Variants in DEPDC4 observed in about 807,000 individuals in gnomAD.
DEPDC4 encodes the protein DEP domain containing 4.
DEPDC4 carries 52 observed loss-of-function variants against 52.0 expected under a neutral mutation model. The observed-to-expected ratio is 1.00, with a 90% confidence interval of 0.80 to 1.26. DEPDC4 has a LOEUF of 1.26. Among genes scored for constraint, DEPDC4 ranks in the 50% most tolerant of loss-of-function variants. The probability of loss-of-function intolerance (pLI) is 0.00; values close to 1 mark genes in which losing one functional copy is unlikely to be tolerated. For synonymous variants in DEPDC4, 201 were observed against 196.8 expected (o/e 1.02, Z -0.18); for missense variants, 530 against 546.9 (o/e 0.97, Z 0.31).
chr12:100,250,418 C>T (rs1256992552), intron 7 of DEPDC4, among the ~76,000 whole-genome samples: 3 of 152,114 alleles, frequency 2.0e-5, no homozygotes, highest in African/African-American at 7.2e-5. Context: ...CTGGGTTTCA[C>T]CATGTTGGCC....
Position 100,259,002 on chromosome 12 carries a change from T to C in DEPDC4, c.701-2776A>G, listed in dbSNP as rs573834523. Among the ~76,000 whole-genome samples, 3 of 150,784 alleles carry C rather than the reference T, an allele frequency of 2.0e-5. No individual in the cohort carries two copies. The South Asian group carries it at 6.3e-4, about 32-fold the overall frequency. ...ACAAGAATCACTTGAATCCAGGAGG[T>C]AGAGATTGCAGTGAGCCGAGATCGC... On this transcript the variant is annotated intron_variant, in intron 3 of 9. Transcript: ENST00000550587.
chr12:100,275,147 A>G, the DEPDC4 span, among the ~76,000 whole-genome samples: 1 of 152,162 alleles, frequency 6.6e-6, no homozygotes, highest in South Asian at 2.1e-4. Context: ...TACCCTTGAA[A>G]CAGTATTTTT....
chr12:100,231,986 C>T (rs904401004), intron 9 of DEPDC4, among the ~76,000 whole-genome samples: 1 of 151,960 alleles, frequency 6.6e-6, no homozygotes, highest in Non-Finnish European at 1.5e-5. Context: ...CTCATATATT[C>T]ATTTTTAACT....
At chr12:100,267,081 C>G, upstream of DEPDC4, 1 of 1,612,310 alleles carries the variant, frequency 6.2e-7, no homozygotes, top group Non-Finnish European at 8.5e-7. Flanking sequence ...CACCATAGCC[C>G]CGCCCCACCT....
At chr12:100,247,330 C>CA (rs1311032639) in intron 8 of DEPDC4, among the ~76,000 whole-genome samples, 1 of 151,406 alleles carries the variant, frequency 6.6e-6, no homozygotes, top group Non-Finnish European at 1.5e-5. Context: ...CTCAGCCTCC[C>CA]AAGTAGCTTG....
At chr12:100,281,019 G>GTTTTGTTTTTTTTT in the DEPDC4 span, among the ~76,000 whole-genome samples, 127 of 50,496 alleles carry the variant, frequency 2.5e-3, 7 homozygotes, top group African/African-American at 8.4e-3. Context: ...TACCATCAGT[G>GTTTTGTTTTTTTTT]TTTTTTTTTT....
At chr12:100,238,120 TA>T (rs1350607400), downstream of DEPDC4, 77,774 of 742,424 alleles carry the variant, frequency 0.1, 9 homozygotes, top group Non-Finnish European at 0.12. Context: ...CTCCCCAACT[TA>T]AAAAAAAAAA....
intron 9 of DEPDC4, among the ~76,000 whole-genome samples, chr12:100,233,930 T>G (rs2096137814): frequency 6.6e-6 from 1 of 151,924 alleles, no homozygotes; most frequent in East Asian, 1.9e-4. Context: ...TTGGGCTACA[T>G]GGCGAAACCC....
At chr12:100,267,248 C>A (rs1566334512), upstream of DEPDC4, 3 of 664,366 alleles carry the variant, frequency 4.5e-6, no homozygotes, top group Non-Finnish European at 7.4e-6. Flanking sequence ...CTAGCTCCGA[C>A]GTTTGCGGCC....
chr12:100,240,914 A>G lies in DEPDC4; in HGVS notation c.*978T>C, dbSNP rs2096156218. Among the ~76,000 whole-genome samples, 1 of 152,132 alleles carries G rather than the reference A, an allele frequency of 6.6e-6. No individual in the cohort carries two copies. Among genetic ancestry groups the G allele is most frequent in the African/African-American group, 2.4e-5 (1 of 41,436 alleles). ...CTAAAACTACAAAAATTAGCCGGGC[A>G]TAGTGGCAGGTACCTATAATCCCAG... is the stretch of plus-strand genomic sequence containing the variant. On this transcript the variant is annotated 3_prime_UTR_variant, in exon 10 of 10. Transcript: ENST00000550587.
At chr12:100,276,711 T>C in the DEPDC4 span, among the ~76,000 whole-genome samples, 1 of 152,228 alleles carries the variant, frequency 6.6e-6, no homozygotes, top group Admixed American at 6.5e-5. Context: ...TTTTACTTCA[T>C]TGGATTTTTT....
At chr12:100,233,933 C>T (rs1165189910) in intron 9 of DEPDC4, among the ~76,000 whole-genome samples, 1 of 151,644 alleles carries the variant, frequency 6.6e-6, no homozygotes, top group African/African-American at 2.4e-5. Context: ...GGCTACATGG[C>T]GAAACCCTGT....
chr12:100,247,240 G>T (rs2096189790), intron 8 of DEPDC4, among the ~76,000 whole-genome samples: 1 of 119,490 alleles, frequency 8.4e-6, no homozygotes, highest in African/African-American at 3.4e-5. Context: ...ACAGAGTCGT[G>T]CTCTGTCACC....
rs565046510 is a variant in DEPDC4 at position 100,253,961 on chromosome 12, A to G, written c.879-246T>C. On this transcript the variant is annotated intron_variant, in intron 4 of 9. Coordinates refer to ENST00000550587, the MANE Select transcript of DEPDC4 (RefSeq NM_001364818.2). ...ATGGACTTTTATTTTCAAGAAGTTA[A>G]AATAATTTTTAATGAACCCTTTATT... Among the ~76,000 whole-genome samples, 40 of 152,298 alleles carry G rather than the reference A, an allele frequency of 2.6e-4. No individual in the cohort carries two copies. In the South Asian group the frequency reaches 7.7e-3, roughly 29 times the overall value.
the DEPDC4 span, among the ~76,000 whole-genome samples, chr12:100,274,818 G>A: frequency 6.6e-6 from 1 of 152,208 alleles, no homozygotes; most frequent in Non-Finnish European, 1.5e-5. Flanking sequence ...AATTTGGAGA[G>A]CGATAGGGCT....
chr12:100,232,186 G>A (rs867396124), intron 9 of DEPDC4, among the ~76,000 whole-genome samples: 2 of 151,998 alleles, frequency 1.3e-5, no homozygotes, highest in Admixed American at 1.3e-4. Context: ...GAGGTCAGGA[G>A]TTTGAGACCA....
rs577267266 is a variant in DEPDC4, at chr12:100,240,880, C to T, written c.*1012G>A. Among the ~76,000 whole-genome samples, 1 of 152,270 alleles carries T rather than the reference C, an allele frequency of 6.6e-6. No individual in the cohort carries two copies. Among genetic ancestry groups the T allele is most frequent in the South Asian group, 2.1e-4 (1 of 4,826 alleles). On this transcript the variant is annotated 3_prime_UTR_variant, in exon 10 of 10. Coordinates refer to ENST00000550587, the MANE Select transcript of DEPDC4 (RefSeq NM_001364818.2). Reference sequence around the variant, plus strand: ...CTAGCCTGGCCAACATGGCGAAACACTGTCTCTACTAAAACTACAAAAATT... The same window carrying T: ...CTAGCCTGGCCAACATGGCGAAACATTGTCTCTACTAAAACTACAAAAATT...
At chr12:100,258,619 T>G (rs1055529245) in intron 3 of DEPDC4, among the ~76,000 whole-genome samples, 4 of 152,208 alleles carry the variant, frequency 2.6e-5, no homozygotes, top group Admixed American at 1.3e-4. Context: ...TCTTTTTTCC[T>G]TCCTTCATAT....
intron 9 of DEPDC4, among the ~76,000 whole-genome samples, chr12:100,242,192 T>A (rs552831994): frequency 7.7e-4 from 117 of 152,320 alleles, no homozygotes; most frequent in Non-Finnish European, 1.5e-3. Flanking sequence ...TTTTTCACAC[T>A]GCTCTGTGAG....
Sources: allele counts gnomAD v4.1 joint callset (sites outside exome capture counted in the v4.1 genomes callset), GRCh38; gene constraint gnomAD v4.1.1; transcripts MANE v1.5; gene names NCBI Gene and HGNC (gene_info 2026-07-23, HGNC 2026-07-21).